The following NTRK1 variants were observed in gnomAD, a reference collection of about 807,000 sequenced individuals.
NTRK1 encodes the protein high affinity nerve growth factor receptor.
In NTRK1, 62 loss-of-function variants were observed where a neutral mutation model predicts 86.8. The observed-to-expected ratio is 0.71, with a 90% CI of 0.58 to 0.88. The LOEUF (loss-of-function observed/expected upper bound fraction) is 0.88, where lower values mean the gene tolerates loss of function less well. Ranked by LOEUF, NTRK1 falls within the 40% of genes least tolerant of loss-of-function variation. The pLI is 0.00. For synonymous variants in NTRK1, 469 were observed against 456.6 expected (o/e 1.03, Z -0.35); for missense variants, 967 against 1,078.4 (o/e 0.90, Z 1.45).
At chr1:156,840,958 C>G (rs759671540) in intron 1 of NTRK1, 12 of 1,613,724 alleles carry the variant, frequency 7.4e-6, no homozygotes, top group African/African-American at 4.0e-5. Context: ...AGGCAGGGAG[C>G]CCCGGGCCCC....
rs140889113 is a variant in NTRK1 at position 156,821,872 on chromosome 1, A to G, written c.-64+6034A>G. Among the ~76,000 whole-genome samples, 435 of 152,302 alleles carry G rather than the reference A, an allele frequency of 2.9e-3. 4 individuals are homozygous for G. The highest frequency in any genetic ancestry group is 9.8e-3 in the African/African-American group (407 of 41,546). ...AAGGTTATCCTATAGGAACCGACAT[A>G]GAGGTTTCATCCTCTGGACCTTGAT... On this transcript the variant is annotated intron_variant, in intron 1 of 16. Coordinates refer to the NTRK1 transcript ENST00000392302.
intron 1 of NTRK1, among the ~76,000 whole-genome samples, chr1:156,835,312 C>T (rs910445987): frequency 2.6e-5 from 4 of 152,126 alleles, no homozygotes; most frequent in South Asian, 2.1e-4. Flanking sequence ...AAAAAAATGT[C>T]CTTGGAGAGT....
intron 1 of NTRK1, chr1:156,816,782 T>G (rs12738727): frequency 7.3e-7 from 1 of 1,366,672 alleles, no homozygotes; most frequent in Admixed American, 2.4e-5. Flanking sequence ...ACTCAGCAAC[T>G]CATCATCTCT....
At chr1:156,858,598 G>C, upstream of NTRK1, 14 of 1,614,100 alleles carry the variant, frequency 8.7e-6, no homozygotes, top group Non-Finnish European at 1.2e-5. Flanking sequence ...ATGCTCCCCA[G>C]GGCCACAGAC....
intron 16 of NTRK1, 164 bp downstream of exon 16, chr1:156,880,321 T>A (rs1571704379): frequency 1.7e-5 from 12 of 688,214 alleles, no homozygotes; most frequent in Non-Finnish European, 2.7e-5. Context: ...TGTGGCCCTT[T>A]TCTTCTCTTC....
chr1:156,856,959 C>T (rs530482869), upstream of NTRK1, among the ~76,000 whole-genome samples: 15 of 152,262 alleles, frequency 9.9e-5, no homozygotes, highest in East Asian at 2.5e-3. Flanking sequence ...CTCCTGCTAA[C>T]GTCTCCAGCC....
chr1:156,867,728 G>A (rs1647246930), intron 4 of NTRK1, among the ~76,000 whole-genome samples: 1 of 151,444 alleles, frequency 6.6e-6, no homozygotes, highest in African/African-American at 2.4e-5. Flanking sequence ...GAGTGCAGTG[G>A]CACAATCTCA....
At chr1:156,851,729 G>T in intron 2 of NTRK1, 1 of 1,614,214 alleles carries the variant, frequency 6.2e-7, no homozygotes, top group Non-Finnish European at 8.5e-7. Flanking sequence ...GGAGTCGATG[G>T]TCTTGGTGCC....
chr1:156,861,162 G>A lies in NTRK1; in HGVS notation c.212+16G>A, dbSNP rs543480324. The A allele has an allele frequency of 1.9e-5, 29 of 1,546,054 alleles. No homozygotes were observed. In the East Asian group the frequency reaches 6.2e-4, roughly 33 times the overall value. On this transcript the variant is annotated intron_variant, in intron 1 of 16. Transcript: ENST00000524377. ...TGACTGAGCTGTGAGTGTCCGGCGG[G>A]CGGTGGGGGGGCGCGGGGACAGGCA...
At chr1:156,874,655 A>T (rs1647783210) in intron 10 of NTRK1, 29 bp downstream of exon 10, 2 of 1,606,330 alleles carry the variant, frequency 1.2e-6, no homozygotes, top group Middle Eastern at 1.7e-4. Flanking sequence ...GCTTGTGCAG[A>T]CTTTGGGACC....
In NTRK1 at chr1:156,860,977, T is replaced by C. The variant is rs1210816787; in HGVS notation, c.43T>C (p.Trp15Arg). The part of the protein sequence containing the change: ...GRRGQLGWHS[W>R]AAGPGSLLAW... Reference sequence around the variant, plus strand: ...GCGCGGGCAGCTTGGCTGGCACAGCTGGGCTGCGGGGCCGGGCAGCCTGCT... The same window carrying C: ...GCGCGGGCAGCTTGGCTGGCACAGCCGGGCTGCGGGGCCGGGCAGCCTGCT... Residue 15 changes from tryptophan to arginine, a missense_variant, in exon 1 of 17, where the codon TGG becomes CGG. Trp to Arg is a moderately radical substitution (Grantham distance 101). Coordinates refer to ENST00000524377, the MANE Select transcript of NTRK1 (RefSeq NM_002529.4). 1.3e-6 allele frequency: 2 copies of C among 1,523,120 alleles called. No homozygotes were observed. The highest frequency in any genetic ancestry group is 1.8e-6 in the Non-Finnish European group (2 of 1,142,622). The allele number at this position is 1,523,120 out of a possible 1,614,324, so 94.4% of individuals were successfully genotyped here.
At chr1:156,821,801 C>T (rs1387622320) in intron 1 of NTRK1, among the ~76,000 whole-genome samples, 6 of 152,132 alleles carry the variant, frequency 3.9e-5, no homozygotes, top group South Asian at 2.1e-4. Context: ...AAAGGAGGAG[C>T]GATTTATCTG....
chr1:156,835,299 A>T (rs377624946), intron 1 of NTRK1, among the ~76,000 whole-genome samples: 1 of 152,186 alleles, frequency 6.6e-6, no homozygotes, highest in Admixed American at 6.5e-5. Flanking sequence ...TAAAACATGG[A>T]GGAAAAAAAT....
chr1:156,865,549 C>T (rs997372754), intron 3 of NTRK1, among the ~76,000 whole-genome samples: 18 of 152,160 alleles, frequency 1.2e-4, no homozygotes, highest in Admixed American at 3.3e-4. Context: ...CACATATTTG[C>T]CCTGTTTATA....
At chr1:156,876,330 G>A (rs2102918644) in intron 13 of NTRK1, 70 bp from the exon 14 acceptor site, 1 of 1,609,850 alleles carries the variant, frequency 6.2e-7, no homozygotes, top group Non-Finnish European at 8.5e-7. Flanking sequence ...GGGGTGGGCG[G>A]GCTGCCCTGG....
Position 156,876,394 on chromosome 1 carries a change from A to G in NTRK1, c.1633-6A>G, listed in dbSNP as rs1647911882. On this transcript the variant is annotated splice_polypyrimidine_tract_variant and splice_region_variant and intron_variant, in intron 13 of 16. Transcript: ENST00000524377. ...ACTCAGTCCTGTCCCTGCCGCTTCCATCCAGGCACTGAAGGAGGCGTCCGA... is the reference window on the plus strand; with the variant it reads ...ACTCAGTCCTGTCCCTGCCGCTTCCGTCCAGGCACTGAAGGAGGCGTCCGA... The G allele has an allele frequency of 6.2e-7, 1 of 1,613,690 alleles. No homozygotes were observed. The highest frequency in any genetic ancestry group is 8.5e-7 in the Non-Finnish European group (1 of 1,179,988).
intron 1 of NTRK1, among the ~76,000 whole-genome samples, chr1:156,828,064 C>T (rs985798804): frequency 1.3e-5 from 2 of 152,176 alleles, no homozygotes; most frequent in Non-Finnish European, 2.9e-5. Flanking sequence ...CCTCCTGCCT[C>T]AGGCTCCCAA....
At chr1:156,835,583 T>C (rs1654577387) in intron 1 of NTRK1, among the ~76,000 whole-genome samples, 1 of 152,260 alleles carries the variant, frequency 6.6e-6, no homozygotes, top group South Asian at 2.1e-4. Flanking sequence ...CCAGATATTT[T>C]TTCTGAATTT....
chr1:156,874,532 T>A (rs769702952), intron 9 of NTRK1, 39 bp from the exon 10 acceptor site: 8 of 1,612,054 alleles, frequency 5.0e-6, no homozygotes. Flanking sequence ...GGCTACAGTG[T>A]GTGTCAAGGC....
Sources: allele counts gnomAD v4.1 joint callset (sites outside exome capture counted in the v4.1 genomes callset), GRCh38; gene constraint gnomAD v4.1.1; transcripts MANE v1.5; gene names NCBI Gene and HGNC (gene_info 2026-07-23, HGNC 2026-07-21).